Variants in UBAP1 observed in about 807,000 individuals in gnomAD.
UBAP1 encodes the protein ubiquitin-associated protein 1.
In UBAP1, 5 loss-of-function variants were observed where a neutral mutation model predicts 39.0. The ratio of observed to expected loss-of-function variants is 0.13; its 90% CI spans 0.07 to 0.27. UBAP1 has a LOEUF of 0.27. UBAP1 is among the 10% of genes least tolerant of loss of function. The probability of loss-of-function intolerance (pLI) is 1.00; values close to 1 mark genes in which losing one functional copy is unlikely to be tolerated. For missense variants in UBAP1, 490 were observed against 608.1 expected, an observed-to-expected ratio of 0.81 and a Z score of 2.04; for synonymous variants, 211 against 225.1, an observed-to-expected ratio of 0.94 and a Z score of 0.56.
intron 1 of UBAP1, among the ~76,000 whole-genome samples, chr9:34,194,720 G>T (rs1830925685): frequency 6.6e-6 from 1 of 152,166 alleles, no homozygotes; most frequent in African/African-American, 2.4e-5. Context: ...CATGTGTTCA[G>T]ATTGTTCTAA....
At chr9:34,182,681 T>TTCTTTCTTTCTCTCTCTC (rs1491429494) in intron 1 of UBAP1, among the ~76,000 whole-genome samples, 17 of 115,590 alleles carry the variant, frequency 1.5e-4, no homozygotes, top group South Asian at 6.2e-4. Flanking sequence ...CTTTCTTTCT[T>TTCTTTCTTTCTCTCTCTC]TCTCTCTCTC....
At chr9:34,227,963 C>CA (rs1563912393) in intron 2 of UBAP1, among the ~76,000 whole-genome samples, 1 of 151,462 alleles carries the variant, frequency 6.6e-6, no homozygotes, top group Non-Finnish European at 1.5e-5. Flanking sequence ...CTCAGCTCTA[C>CA]AAAAAAATTT....
intron 3 of UBAP1, 81 bp downstream of exon 3, chr9:34,234,421 A>C: frequency 6.8e-7 from 1 of 1,469,536 alleles, no homozygotes; most frequent in Non-Finnish European, 9.1e-7. Flanking sequence ...AAATAGAAAA[A>C]ATTACAGTTG....
At chr9:34,217,051 C>T (rs1832363058) in intron 1 of UBAP1, among the ~76,000 whole-genome samples, 1 of 152,000 alleles carries the variant, frequency 6.6e-6, no homozygotes, top group Non-Finnish European at 1.5e-5. Context: ...TCTCCGGCCT[C>T]TGGTAATTAC....
At position 34,241,792 on chromosome 9, in the gene UBAP1, C is replaced by T. The variant is rs147194833; in HGVS notation, c.767C>T (p.Pro256Leu). ...MSLSSKVSLP[P>L]IPAVSNIKSL... is the part of the protein sequence containing the mutation. ...CTGTCTTCCAAAGTGTCCCTCCCCCCTATACCTGCAGTAAGCAATATCAAA... is the reference window on the plus strand; with the variant it reads ...CTGTCTTCCAAAGTGTCCCTCCCCCTTATACCTGCAGTAAGCAATATCAAA... The change falls in exon 4 of 7, where the codon CCT (proline) becomes CTT (leucine). Residue 256 changes from proline to leucine, a missense_variant. By Grantham distance (98) the Pro-to-Leu change is moderately conservative. This residue lies in a region of UBAP1 where 339 missense variants were observed against 390.0 expected (regional missense o/e 0.87). Transcript: ENST00000297661. 75 of 1,614,006 alleles carry T rather than the reference C, an allele frequency of 4.6e-5. No individual in the cohort carries two copies. Among genetic ancestry groups the T allele is most frequent in the Non-Finnish European group, 5.9e-5 (70 of 1,180,030 alleles).
chr9:34,248,002 G>A (rs1834265188), intron 4 of UBAP1, among the ~76,000 whole-genome samples: 1 of 151,918 alleles, frequency 6.6e-6, no homozygotes, highest in South Asian at 2.1e-4. Flanking sequence ...CCACCAGTAG[G>A]GTATGTGAGA....
chr9:34,225,382 G>T (rs1270527488), intron 2 of UBAP1, among the ~76,000 whole-genome samples: 1 of 152,036 alleles, frequency 6.6e-6, no homozygotes, highest in African/African-American at 2.4e-5. Flanking sequence ...GAAACAAACA[G>T]TTATTTCTCA....
chr9:34,247,039 T>C (rs1331554131), intron 4 of UBAP1, among the ~76,000 whole-genome samples: 1 of 152,226 alleles, frequency 6.6e-6, no homozygotes, highest in African/African-American at 2.4e-5. Flanking sequence ...GACAAATGGC[T>C]ACCATGAATG....
At chr9:34,226,268 CGCCCAT>C (rs1416327409) in intron 2 of UBAP1, among the ~76,000 whole-genome samples, 5 of 145,048 alleles carry the variant, frequency 3.4e-5, no homozygotes, top group Admixed American at 2.8e-4. Context: ...CCCGCTCTGT[CGCCCAT>C]GCTGGAGTGC....
At chr9:34,223,990 G>A (rs1832903177) in intron 2 of UBAP1, 2 of 428,488 alleles carry the variant, frequency 4.7e-6, no homozygotes, top group South Asian at 8.9e-5. Context: ...GGATTTATTT[G>A]CCTTTCCGGA....
At chr9:34,247,712 C>T (rs1314395611) in intron 4 of UBAP1, among the ~76,000 whole-genome samples, 3 of 152,086 alleles carry the variant, frequency 2.0e-5, no homozygotes, top group South Asian at 2.1e-4. Context: ...TGTGAGACAC[C>T]TCACCCGCTG....
chr9:34,229,695 G>A (rs1001465818), intron 2 of UBAP1, among the ~76,000 whole-genome samples: 3 of 147,970 alleles, frequency 2.0e-5, no homozygotes, highest in Admixed American at 6.8e-5. Context: ...GTGCTACCAC[G>A]CCCAGCTAAT....
chr9:34,234,329 A>G lies in UBAP1; in HGVS notation c.148A>G (p.Arg50Gly). ...CTTGCCTGATTGTTTGCAGGTTGTC[A>G]GAGAAGTACAGGTAAGTGGTAATTT... Reference protein sequence around the residue: ...FSLPDCLQVVREVQYDFSLEK... With the variant: ...FSLPDCLQVVGEVQYDFSLEK... The change falls in exon 3 of 7, where the codon AGA becomes GGA. Residue 50 changes from arginine (R) to glycine (G), a missense_variant. By Grantham distance (125) the Arg-to-Gly change is moderately radical. Transcript: ENST00000297661. 1 of 1,602,760 alleles carries G rather than the reference A, an allele frequency of 6.2e-7. No individual in the cohort carries two copies. The highest frequency in any genetic ancestry group is 8.5e-7 in the Non-Finnish European group (1 of 1,177,498).
intron 2 of UBAP1, among the ~76,000 whole-genome samples, chr9:34,226,258 C>G (rs1833099664): frequency 1.4e-5 from 2 of 142,466 alleles, no homozygotes; most frequent in South Asian, 4.4e-4. Context: ...GAGATGGAGT[C>G]CCGCTCTGTC....
At chr9:34,243,575 T>G (rs1834067401) in intron 4 of UBAP1, among the ~76,000 whole-genome samples, 2 of 151,566 alleles carry the variant, frequency 1.3e-5, no homozygotes, top group Non-Finnish European at 2.9e-5. Context: ...AACCTCCACC[T>G]CCCAGGGTCG....
intron 2 of UBAP1, among the ~76,000 whole-genome samples, chr9:34,233,156 G>T (rs1344569625): frequency 6.6e-6 from 1 of 151,652 alleles, no homozygotes; most frequent in Non-Finnish European, 1.5e-5. Context: ...TGTAAGTGTT[G>T]TGCTGCTTAA....
At chr9:34,218,417 T>C (rs540296845) in intron 1 of UBAP1, among the ~76,000 whole-genome samples, 1 of 152,252 alleles carries the variant, frequency 6.6e-6, no homozygotes, top group Admixed American at 6.5e-5. Flanking sequence ...TCAAGTTCTT[T>C]ACCTCAACAA....
intron 1 of UBAP1, among the ~76,000 whole-genome samples, chr9:34,213,581 G>C (rs568427655): frequency 6.6e-6 from 1 of 152,236 alleles, no homozygotes; most frequent in Non-Finnish European, 1.5e-5. Flanking sequence ...ATGGGGAAAA[G>C]TGGAAAGCAT....
intron 1 of UBAP1, chr9:34,191,927 T>G (rs1230518566): frequency 4.6e-5 from 7 of 152,108 alleles, no homozygotes; most frequent in Admixed American, 4.6e-4. Context: ...AAAGTCCTAG[T>G]TCAGCTTTCC....
Sources: gnomAD v4.1 joint callset for allele counts (sites outside exome capture counted in the v4.1 genomes callset) on GRCh38, gnomAD v4.1.1 for gene constraint, gnomAD v4.1.1 regional missense constraint, MANE v1.5 for transcripts, NCBI Gene and HGNC (gene_info 2026-07-23, HGNC 2026-07-21) for gene names.